CTNNBL1: variants seen among roughly 807,000 people sequenced by gnomAD.
The protein encoded by CTNNBL1 is beta-catenin-like protein 1.
A neutral mutation model predicts 72.7 loss-of-function variants in CTNNBL1; 31 were observed. That is an observed-to-expected ratio of 0.43 (90% CI 0.32 to 0.58). The LOEUF is 0.58. Among genes scored for constraint, CTNNBL1 ranks in the 20% least tolerant of loss-of-function variants. The pLI, the probability that CTNNBL1 is intolerant of heterozygous loss-of-function variation, is 0.08. For missense variants in CTNNBL1, 534 were observed against 725.1 expected, an observed-to-expected ratio of 0.74 and a Z score of 3.03; for synonymous variants, 240 against 267.3, an observed-to-expected ratio of 0.90 and a Z score of 1.00.
At chr20:37,852,886 A>G (rs945650108) in intron 13 of CTNNBL1, among the ~76,000 whole-genome samples, 1 of 152,196 alleles carries the variant, frequency 6.6e-6, no homozygotes, top group African/African-American at 2.4e-5. Flanking sequence ...GAAAAGTTAA[A>G]TGACTCACCT....
At chr20:37,813,212 T>C (rs981575170) in intron 11 of CTNNBL1, among the ~76,000 whole-genome samples, 11 of 152,250 alleles carry the variant, frequency 7.2e-5, no homozygotes, top group Admixed American at 3.3e-4. Context: ...CTGGTACCAG[T>C]CCTTGCTGAG....
At chr20:37,710,536 C>A (rs1291425984) in intron 1 of CTNNBL1, among the ~76,000 whole-genome samples, 1 of 152,118 alleles carries the variant, frequency 6.6e-6, no homozygotes, top group South Asian at 2.1e-4. Flanking sequence ...CTATATTTTC[C>A]ATGTTGCTTT....
At chr20:37,704,469 CT>C (rs2122546905) in intron 1 of CTNNBL1, among the ~76,000 whole-genome samples, 1 of 151,990 alleles carries the variant, frequency 6.6e-6, no homozygotes, top group East Asian at 1.9e-4. Flanking sequence ...AATCCCAGCA[CT>C]TTGGGAGGCT....
intron 1 of CTNNBL1, among the ~76,000 whole-genome samples, chr20:37,695,305 C>T (rs1486229303): frequency 6.6e-6 from 1 of 152,114 alleles, no homozygotes; most frequent in Non-Finnish European, 1.5e-5. Flanking sequence ...ACTCCTAGGT[C>T]TAAGGTATCC....
chr20:37,773,227 A>C (rs934775769), intron 7 of CTNNBL1, among the ~76,000 whole-genome samples: 4 of 152,208 alleles, frequency 2.6e-5, no homozygotes, highest in Non-Finnish European at 5.9e-5. Context: ...TTTGTAGGGC[A>C]CAATCTGCTT....
chr20:37,749,739 A>G (rs1194588178), intron 4 of CTNNBL1: 3 of 152,150 alleles, frequency 2.0e-5, no homozygotes, highest in Non-Finnish European at 4.4e-5. Context: ...AAGTGATTTC[A>G]GGAAAGGGCA....
chr20:37,746,543 C>A lies in CTNNBL1; in HGVS notation c.402C>A (p.Tyr134Ter). 1 of 1,614,126 alleles carries A rather than the reference C, an allele frequency of 6.2e-7. No individual in the cohort carries two copies. The highest frequency in any genetic ancestry group is 8.5e-7 in the Non-Finnish European group (1 of 1,179,990). Residue 134 changes from tyrosine to a stop codon, truncating the protein, a stop_gained, in exon 4 of 16, where the codon TAC (tyrosine) becomes TAA (stop). Transcript: ENST00000361383. LOFTEE classifies it high-confidence loss of function. ...MHVVATMPDL[Y>*]HLLVELNAVQ... is the part of the protein sequence containing the mutation. ...TGGTGGCCACCATGCCAGACCTGTA[C>A]CACCTTCTGGTGGAGCTGAATGCTG...
chr20:37,833,108 C>CA (rs1490916162), intron 11 of CTNNBL1, among the ~76,000 whole-genome samples: 3 of 152,296 alleles, frequency 2.0e-5, no homozygotes, highest in South Asian at 4.1e-4. Flanking sequence ...CAGTGGCCCA[C>CA]AAAGGTACTT....
At chr20:37,796,171 G>A (rs1222002999) in intron 10 of CTNNBL1, among the ~76,000 whole-genome samples, 1 of 152,110 alleles carries the variant, frequency 6.6e-6, no homozygotes, top group East Asian at 1.9e-4. Context: ...TGAGCTCTGG[G>A]ATTGTCTTTT....
intron 1 of CTNNBL1, among the ~76,000 whole-genome samples, chr20:37,699,617 TATC>T (rs1431762652): frequency 3.9e-5 from 6 of 152,328 alleles, no homozygotes; most frequent in South Asian, 4.1e-4. Flanking sequence ...TGGTTATAGT[TATC>T]ATTTACAAAG....
intron 11 of CTNNBL1, among the ~76,000 whole-genome samples, chr20:37,820,779 T>C (rs7268201): frequency 1.3e-5 from 2 of 152,328 alleles, no homozygotes; most frequent in Non-Finnish European, 2.9e-5. Context: ...TGTCCATCAG[T>C]TAAACCTCCT....
chr20:37,736,969 A>G (rs941233688), intron 2 of CTNNBL1, among the ~76,000 whole-genome samples: 4 of 151,966 alleles, frequency 2.6e-5, no homozygotes, highest in African/African-American at 7.3e-5. Flanking sequence ...CACACCTGTA[A>G]TCCCAGCACT....
intron 1 of CTNNBL1, among the ~76,000 whole-genome samples, chr20:37,714,342 T>C (rs372498779): frequency 2.8e-4 from 42 of 152,216 alleles, no homozygotes; most frequent in African/African-American, 9.4e-4. Flanking sequence ...GATTAGGTGA[T>C]TGAATTTGAG....
In CTNNBL1 at chr20:37,846,635, G is replaced by A. The variant is rs139549217; in HGVS notation, c.1392+4216G>A. Among the ~76,000 whole-genome samples the A allele has an allele frequency of 9.6e-3, 1,461 of 151,970 alleles. 11 individuals carry two copies. The highest frequency in any genetic ancestry group is 0.015 in the Non-Finnish European group (1,053 of 67,976). ...GTTTGTGTCCCCCTGCCCCGCCCCCGCACATGTGTACATACCCACTGTCCT... is the reference window on the plus strand; with the variant it reads ...GTTTGTGTCCCCCTGCCCCGCCCCCACACATGTGTACATACCCACTGTCCT... On this transcript the variant is annotated intron_variant, in intron 13 of 15. Transcript: ENST00000361383.
intron 13 of CTNNBL1, among the ~76,000 whole-genome samples, chr20:37,851,327 T>C (rs1053314107): frequency 1.3e-5 from 2 of 152,204 alleles, no homozygotes; most frequent in African/African-American, 4.8e-5. Flanking sequence ...CTTTTTTTTT[T>C]TTCTTAGCTG....
intron 10 of CTNNBL1, among the ~76,000 whole-genome samples, chr20:37,787,926 A>G (rs1600488188): frequency 6.6e-6 from 1 of 152,072 alleles, no homozygotes; most frequent in Non-Finnish European, 1.5e-5. Context: ...AGTCCCCTCA[A>G]GATCTGGCCT....
intron 1 of CTNNBL1, among the ~76,000 whole-genome samples, chr20:37,722,579 C>G (rs909592629): frequency 4.6e-5 from 7 of 152,030 alleles, no homozygotes; most frequent in African/African-American, 1.7e-4. Flanking sequence ...AAATTGAATT[C>G]CGTGCTTTCT....
chr20:37,750,053 T>G (rs1420784258), intron 4 of CTNNBL1: 1 of 152,242 alleles, frequency 6.6e-6, no homozygotes, highest in East Asian at 1.9e-4. Context: ...CATCCTCCTC[T>G]GTGAAAACAT....
chr20:37,824,449 G>C (rs186453316), intron 11 of CTNNBL1, among the ~76,000 whole-genome samples: 1 of 152,176 alleles, frequency 6.6e-6, no homozygotes, highest in Non-Finnish European at 1.5e-5. Context: ...GCTTTGCTTG[G>C]GGTAAACGCC....
Sources: allele counts gnomAD v4.1 joint callset (sites outside exome capture counted in the v4.1 genomes callset), GRCh38; gene constraint gnomAD v4.1.1; transcripts MANE v1.5; gene names NCBI Gene and HGNC (gene_info 2026-07-23, HGNC 2026-07-21).